The following CUX1 variants were observed in gnomAD, a reference collection of about 807,000 sequenced individuals.
The protein encoded by CUX1 is cut like homeobox 1.
CUX1 carries 31 observed loss-of-function variants against 158.8 expected under a neutral mutation model. The observed-to-expected ratio is 0.20, with a 90% CI of 0.15 to 0.26. The LOEUF is 0.26. CUX1 is among the 10% of genes least tolerant of loss of function. The pLI is 1.00. For missense variants in CUX1, 1,589 were observed against 2,014.6 expected (o/e 0.79, Z 4.04); for synonymous variants, 879 against 862.1 (o/e 1.02, Z -0.34).
chr7:101,833,387 A>G (rs1012283026), intron 1 of CUX1, among the ~76,000 whole-genome samples: 1 of 147,756 alleles, frequency 6.8e-6, no homozygotes, highest in African/African-American at 2.5e-5. Flanking sequence ...TCTCTACAGA[A>G]AAAAAAAAAA....
intron 4 of CUX1, among the ~76,000 whole-genome samples, chr7:102,081,036 A>G (rs1402571078): frequency 6.6e-6 from 1 of 151,660 alleles, no homozygotes; most frequent in Non-Finnish European, 1.5e-5. Flanking sequence ...CCACTTCGCT[A>G]CTCCCCATCA....
At chr7:101,888,006 C>T (rs1388318165) in intron 1 of CUX1, among the ~76,000 whole-genome samples, 1 of 152,048 alleles carries the variant, frequency 6.6e-6, no homozygotes, top group African/African-American at 2.4e-5. Context: ...AGGGATTTCC[C>T]GAATAAAGCT....
chr7:102,185,733 C>T (rs1037075355), intron 11 of CUX1, among the ~76,000 whole-genome samples: 10 of 151,880 alleles, frequency 6.6e-5, no homozygotes, highest in Non-Finnish European at 1.0e-4. Flanking sequence ...CCTGCAAGTA[C>T]GTGGTGGAGC....
chr7:102,188,300 G>A (rs924473226), intron 11 of CUX1, among the ~76,000 whole-genome samples: 3 of 152,072 alleles, frequency 2.0e-5, no homozygotes, highest in Non-Finnish European at 4.4e-5. Flanking sequence ...CTCTAGCTTG[G>A]AAACATGCTG....
intron 2 of CUX1, among the ~76,000 whole-genome samples, chr7:101,927,077 C>A (rs190140239): frequency 2.0e-5 from 3 of 152,000 alleles, no homozygotes; most frequent in African/African-American, 7.3e-5. Flanking sequence ...GGCGAAGGTA[C>A]TTTGGGGAGT....
intron 2 of CUX1, among the ~76,000 whole-genome samples, chr7:101,945,865 G>A (rs1376270282): frequency 6.6e-6 from 1 of 152,220 alleles, no homozygotes; most frequent in Non-Finnish European, 1.5e-5. Context: ...CTGAGTGGCA[G>A]GAAGAGTTCT....
chr7:102,054,783 T>C (rs970715440), intron 3 of CUX1, among the ~76,000 whole-genome samples: 3 of 152,036 alleles, frequency 2.0e-5, no homozygotes, highest in African/African-American at 7.2e-5. Context: ...GCCTGGACAA[T>C]ATAATGAGAT....
At chr7:102,281,671 A>AC (rs1361347864) in intron 20 of CUX1, among the ~76,000 whole-genome samples, 2 of 151,992 alleles carry the variant, frequency 1.3e-5, no homozygotes, top group African/African-American at 4.8e-5. Flanking sequence ...TCAAAAAAAA[A>AC]AGAATTCCAG....
chr7:102,209,006 G>A (rs114726129), intron 20 of CUX1, among the ~76,000 whole-genome samples: 4 of 152,266 alleles, frequency 2.6e-5, no homozygotes, highest in Admixed American at 6.5e-5. Context: ...TAAGGGAATC[G>A]GGCTTACAGC....
At chr7:102,235,385 G>A (rs1009804999) in intron 22 of CUX1, among the ~76,000 whole-genome samples, 3 of 152,128 alleles carry the variant, frequency 2.0e-5, no homozygotes, top group African/African-American at 2.4e-5. Context: ...ATCAGCTAAC[G>A]CAGAGGACCT....
intron 8 of CUX1, among the ~76,000 whole-genome samples, chr7:102,156,896 G>A (rs1274352103): frequency 5.3e-5 from 8 of 152,338 alleles, no homozygotes; most frequent in South Asian, 2.1e-4. Flanking sequence ...AGCTCACAGC[G>A]TGGGCACCCA....
intron 8 of CUX1, among the ~76,000 whole-genome samples, chr7:102,132,675 C>CTTTGCTTTT (rs782335692): frequency 9.7e-6 from 1 of 103,444 alleles, no homozygotes. Flanking sequence ...TTTTTCTTTG[C>CTTTGCTTTT]TTTTCTTTTT....
intron 2 of CUX1, among the ~76,000 whole-genome samples, chr7:101,966,514 C>T (rs1313942769): frequency 2.0e-5 from 3 of 151,922 alleles, no homozygotes; most frequent in Non-Finnish European, 2.9e-5. Flanking sequence ...TTGAGATTTT[C>T]GTAGTAAGGT....
At chr7:102,152,228 T>A (rs1585931427) in intron 8 of CUX1, among the ~76,000 whole-genome samples, 1 of 151,838 alleles carries the variant, frequency 6.6e-6, no homozygotes, top group Non-Finnish European at 1.5e-5. Context: ...TGCACACCTA[T>A]AAGTCCCAGC....
At chr7:101,968,589 A>ATT (rs1487608226) in intron 2 of CUX1, among the ~76,000 whole-genome samples, 3 of 151,784 alleles carry the variant, frequency 2.0e-5, no homozygotes, top group African/African-American at 7.3e-5. Context: ...TGCCTGGCTA[A>ATT]TTTTTGTATT....
chr7:102,096,164 T>TA (rs1346499595), intron 4 of CUX1, among the ~76,000 whole-genome samples: 1 of 152,234 alleles, frequency 6.6e-6, no homozygotes, highest in Non-Finnish European at 1.5e-5. Context: ...TGCACTTAGT[T>TA]ATCATCAGGA....
chr7:101,986,373 C>A (rs922106958), intron 2 of CUX1, among the ~76,000 whole-genome samples: 1 of 152,160 alleles, frequency 6.6e-6, no homozygotes, highest in Non-Finnish European at 1.5e-5. Context: ...ATACAAGGCT[C>A]TTTTCCATAA....
intron 4 of CUX1, among the ~76,000 whole-genome samples, chr7:102,081,196 C>G (rs1827345752): frequency 6.6e-6 from 1 of 152,148 alleles, no homozygotes; most frequent in Non-Finnish European, 1.5e-5. Flanking sequence ...TAGCCTTTTC[C>G]TTTTCATTTG....
chr7:102,024,882 A>T (rs1355830631), intron 2 of CUX1, among the ~76,000 whole-genome samples: 1 of 152,174 alleles, frequency 6.6e-6, no homozygotes, highest in Non-Finnish European at 1.5e-5. Flanking sequence ...GCAACCTGCC[A>T]TGCGCCGAGT....
Sources: allele counts gnomAD v4.1 joint callset (sites outside exome capture counted in the v4.1 genomes callset), GRCh38; gene constraint gnomAD v4.1.1; transcripts MANE v1.5; gene names NCBI Gene and HGNC (gene_info 2026-07-23, HGNC 2026-07-21).